Variants in GPR149 observed in about 807,000 individuals in gnomAD.
GPR149 encodes the protein G protein-coupled receptor 149, also known as probable G protein-coupled receptor 149.
A neutral mutation model predicts 50.2 loss-of-function variants in GPR149; 50 were observed. The ratio of observed to expected loss-of-function variants is 1.00; its 90% CI spans 0.79 to 1.26. The LOEUF (loss-of-function observed/expected upper bound fraction) is 1.26, where lower values mean the gene tolerates loss of function less well. Ranked by LOEUF, GPR149 falls within the 50% of genes most tolerant of loss-of-function variation. The pLI, the probability that GPR149 is intolerant of heterozygous loss-of-function variation, is 0.00. For missense variants in GPR149, 983 were observed against 895.4 expected, an observed-to-expected ratio of 1.10 and a Z score of -1.25; for synonymous variants, 405 against 358.2, an observed-to-expected ratio of 1.13 and a Z score of -1.48.
At chr3:154,374,628 G>T (rs141026590) in intron 3 of GPR149, among the ~76,000 whole-genome samples, 1 of 152,236 alleles carries the variant, frequency 6.6e-6, no homozygotes, top group East Asian at 1.9e-4. Context: ...TTTTCAAAAA[G>T]CAAAGAAGAG....
At chr3:154,353,865 C>T in intron 3 of GPR149, 1 of 598,342 alleles carries the variant, frequency 1.7e-6, no homozygotes, top group South Asian at 1.8e-5. Context: ...AGATATGTTA[C>T]CCTTTGATGT....
At chr3:154,425,110 T>C (rs1043605916) in intron 2 of GPR149, among the ~76,000 whole-genome samples, 10 of 152,000 alleles carry the variant, frequency 6.6e-5, no homozygotes, top group Non-Finnish European at 4.4e-5. Flanking sequence ...GTAGTACAGA[T>C]TCTTGTTGGA....
At position 154,336,280 on chromosome 3, in the gene GPR149, T is replaced by C. The variant is rs1328684316; in HGVS notation, c.*1419A>G. Reference sequence around the variant, plus strand: ...TGTGGCAACAAAAGATGAAACATTCTGAAAGCCGATGTCAAGTAATTTTGA... The same window carrying C: ...TGTGGCAACAAAAGATGAAACATTCCGAAAGCCGATGTCAAGTAATTTTGA... On this transcript the variant is annotated 3_prime_UTR_variant, in exon 4 of 4. Transcript: ENST00000389740. 6.6e-6 allele frequency: 1 copy of C among 152,080 alleles called. No individual in the cohort carries two copies. The highest frequency in any genetic ancestry group is 1.5e-5 in the Non-Finnish European group (1 of 67,928). 9.4% of individuals were successfully genotyped at this position (152,080 alleles called of 1,614,324 possible).
At chr3:154,399,565 T>A (rs1372696348) in intron 3 of GPR149, among the ~76,000 whole-genome samples, 1 of 152,196 alleles carries the variant, frequency 6.6e-6, no homozygotes, top group African/African-American at 2.4e-5. Context: ...GAGTTCCAGG[T>A]AGAACTTTAA....
chr3:154,353,323 T>C, intron 3 of GPR149: 1 of 1,439,680 alleles, frequency 6.9e-7, no homozygotes, highest in Non-Finnish European at 9.8e-7. Flanking sequence ...ATGTATTTAT[T>C]TGCAACTTTG....
chr3:154,394,837 A>G (rs2108414636), intron 3 of GPR149, among the ~76,000 whole-genome samples: 1 of 152,338 alleles, frequency 6.6e-6, no homozygotes, highest in South Asian at 2.1e-4. Context: ...ATCACTAGTC[A>G]TCAGAAAAAT....
intron 3 of GPR149, among the ~76,000 whole-genome samples, chr3:154,408,088 G>A (rs1242630693): frequency 1.3e-5 from 2 of 152,100 alleles, no homozygotes; most frequent in African/African-American, 2.4e-5. Context: ...AATCCATACT[G>A]ATATAAATAA....
rs564630868 is a variant in GPR149 at position 154,399,850 on chromosome 3, A to G, written c.1623+21189T>C. Among the ~76,000 whole-genome samples the G allele has an allele frequency of 7.1e-4, 108 of 152,318 alleles. 1 individual carries two copies. The highest frequency in any genetic ancestry group is 2.4e-3 in the African/African-American group (101 of 41,572). ...CAGCTTGAAAAACACAGTTGCTTTCACTGAAATTTATTCATTCAGTTAACA... is the reference window on the plus strand; with the variant it reads ...CAGCTTGAAAAACACAGTTGCTTTCGCTGAAATTTATTCATTCAGTTAACA... On this transcript the variant is annotated intron_variant, in intron 3 of 3. Coordinates refer to ENST00000389740, the MANE Select transcript of GPR149 (RefSeq NM_001038705.3).
At chr3:154,345,864 T>G (rs1394902246) in intron 3 of GPR149, among the ~76,000 whole-genome samples, 1 of 152,196 alleles carries the variant, frequency 6.6e-6, no homozygotes, top group East Asian at 1.9e-4. Flanking sequence ...TTTTAATTTC[T>G]TATTTTATGA....
rs1712418071 is a variant in GPR149 at position 154,429,333 on chromosome 3, T to C, written c.283A>G (p.Asn95Asp). ...AATTGGAAGTAACCGGGGACCTCGT[T>C]TGGCCACTGCAAAAACATGAAGATG... is the stretch of plus-strand genomic sequence containing the variant. ...VTIFMFLQWPNEVPGYFQFLC... is the reference protein window; with the variant it reads ...VTIFMFLQWPDEVPGYFQFLC... Residue 95 changes from asparagine (N) to aspartate (D), a missense_variant, in exon 1 of 4, where the codon AAC becomes GAC. Coordinates refer to ENST00000389740, the MANE Select transcript of GPR149 (RefSeq NM_001038705.3). 1 of 1,614,132 alleles carries C rather than the reference T, an allele frequency of 6.2e-7. No individual in the cohort carries two copies. The highest frequency in any genetic ancestry group is 1.3e-5 in the African/African-American group (1 of 75,026).
chr3:154,418,993 A>G (rs1030689831), intron 3 of GPR149, among the ~76,000 whole-genome samples: 5 of 152,092 alleles, frequency 3.3e-5, no homozygotes, highest in Non-Finnish European at 5.9e-5. Flanking sequence ...CTGTTGTTTT[A>G]AAATTTATGA....
rs76581070 is a variant in GPR149, at chr3:154,401,675, A to C, written c.1623+19364T>G. Among the ~76,000 whole-genome samples, 235 of 152,272 alleles carry C rather than the reference A, an allele frequency of 1.5e-3. 5 individuals carry two copies. The East Asian group carries it at 0.039, about 25-fold the overall frequency. On this transcript the variant is annotated intron_variant, in intron 3 of 3. Coordinates refer to ENST00000389740, the MANE Select transcript of GPR149 (RefSeq NM_001038705.3). ...CTGGGGGGAAAAACAGGAAAAAAAA[A>C]CCTACATGTGAGTGTCAAGACTGCA...
At chr3:154,343,817 A>C (rs1713858706) in intron 3 of GPR149, among the ~76,000 whole-genome samples, 1 of 152,074 alleles carries the variant, frequency 6.6e-6, no homozygotes, top group Non-Finnish European at 1.5e-5. Context: ...TCTCTAAAAA[A>C]ATTCTTTAAA....
intron 3 of GPR149, among the ~76,000 whole-genome samples, chr3:154,376,335 A>AG (rs1308373488): frequency 6.6e-6 from 1 of 152,212 alleles, no homozygotes; most frequent in Non-Finnish European, 1.5e-5. Context: ...AGAGATTTTA[A>AG]GTTTCTCTGC....
intron 2 of GPR149, 101 bp downstream of exon 2, chr3:154,427,415 G>T: frequency 1.1e-6 from 1 of 873,866 alleles, no homozygotes. Flanking sequence ...ATTTATCCTT[G>T]GACTCTCCAT....
chr3:154,416,894 G>A (rs1712008273), intron 3 of GPR149, among the ~76,000 whole-genome samples: 1 of 151,862 alleles, frequency 6.6e-6, no homozygotes, highest in Non-Finnish European at 1.5e-5. Context: ...ATTGTAAATA[G>A]ATTAAAAGTT....
chr3:154,339,364 G>C (rs1252865468), intron 3 of GPR149, among the ~76,000 whole-genome samples: 2 of 152,134 alleles, frequency 1.3e-5, no homozygotes, highest in African/African-American at 2.4e-5. Flanking sequence ...GAAAAAAAGG[G>C]GTAATGGTGG....
rs541108005 is a variant in GPR149, at chr3:154,337,759, C to T, written c.2136G>A (p.Glu712=). Reference sequence around the variant, plus strand: ...AAGCTTTATTTAACAACTGGATTTCCTCCTGGTAGCCATCCCTCTCTTGAT... The same window carrying T: ...AAGCTTTATTTAACAACTGGATTTCTTCCTGGTAGCCATCCCTCTCTTGAT... ...RQHQERDGYQ[E]EIQLLNKAYR... is the part of the protein sequence containing the mutation. Residue 712 remains glutamate (E), a synonymous_variant, in exon 4 of 4, where the codon GAG becomes GAA. Transcript: ENST00000389740. 9.3e-6 allele frequency: 15 copies of T among 1,612,802 alleles called. No homozygotes were observed. The South Asian group carries it at 1.7e-4, about 18-fold the overall frequency.
chr3:154,426,632 T>C (rs1712310249), intron 2 of GPR149, among the ~76,000 whole-genome samples: 1 of 152,154 alleles, frequency 6.6e-6, no homozygotes, highest in Admixed American at 6.5e-5. Flanking sequence ...AGAGTCAAAA[T>C]ATACAGCTCA....
Sources: gnomAD v4.1 joint callset for allele counts (sites outside exome capture counted in the v4.1 genomes callset) on GRCh38, gnomAD v4.1.1 for gene constraint, MANE v1.5 for transcripts, NCBI Gene and HGNC (gene_info 2026-07-23, HGNC 2026-07-21) for gene names.